The following PIAS2 variants were observed in gnomAD, a reference collection of about 807,000 sequenced individuals.
PIAS2 encodes protein inhibitor of activated STAT 2, also known as E3 SUMO-protein ligase PIAS2.
PIAS2 carries 19 observed loss-of-function variants against 69.7 expected under a neutral mutation model. That is an observed-to-expected ratio of 0.27 (90% CI 0.19 to 0.40). The LOEUF is 0.40. PIAS2 is among the 10% of genes least tolerant of loss of function. The pLI is 1.00. For missense variants in PIAS2, 624 were observed against 757.0 expected, an observed-to-expected ratio of 0.82 and a Z score of 2.06; for synonymous variants, 261 against 263.2, an observed-to-expected ratio of 0.99 and a Z score of 0.08.
At position 46,855,346 on chromosome 18, in the gene PIAS2, G is replaced by A. The variant is rs2047583847; in HGVS notation, c.725C>T (p.Pro242Leu). The A allele has an allele frequency of 6.3e-7, 1 of 1,594,676 alleles. No individual in the cohort carries two copies. Among genetic ancestry groups the A allele is most frequent in the South Asian group, 1.1e-5 (1 of 88,838 alleles). ...IKVNGKLFPL[P>L]GYAPPPKNGI... ...TCTGGTGAATAAAAAGCAACTTACA[G>A]GCAAAGGAAATAGCTTCCCATTTAC... is the stretch of plus-strand genomic sequence containing the variant. Residue 242 changes from proline to leucine, a missense_variant and splice_region_variant, in exon 5 of 14, where the codon CCT (proline) becomes CTT (leucine). Physicochemically the swap from Pro to Leu is moderately conservative, Grantham distance 98. Around this residue, in one of 3 missense-constraint regions of PIAS2, gnomAD observed 339 missense variants for 408.8 expected, o/e 0.83. Transcript: ENST00000585916.
chr18:46,815,907 C>T (rs2041472473), intron 12 of PIAS2: 1 of 985,488 alleles, frequency 1.0e-6, no homozygotes, highest in African/African-American at 1.7e-5. Flanking sequence ...TCAAGGGTTA[C>T]TGGGTTCTGA....
At chr18:46,825,590 C>T (rs1320391482) in intron 11 of PIAS2, among the ~76,000 whole-genome samples, 1 of 152,216 alleles carries the variant, frequency 6.6e-6, no homozygotes, top group Non-Finnish European at 1.5e-5. Flanking sequence ...TGGCCATACT[C>T]ATTTGTTAAT....
intron 1 of PIAS2, among the ~76,000 whole-genome samples, chr18:46,913,019 A>C (rs2057428007): frequency 6.6e-6 from 1 of 152,208 alleles, no homozygotes; most frequent in Non-Finnish European, 1.5e-5. Flanking sequence ...TTTGTTTCGA[A>C]CGTGCTTTCA....
intron 5 of PIAS2, among the ~76,000 whole-genome samples, chr18:46,848,663 A>AT (rs2046500615): frequency 6.6e-6 from 1 of 152,194 alleles, no homozygotes; most frequent in African/African-American, 2.4e-5. Flanking sequence ...ATAACTTGCA[A>AT]CAAAATTCTG....
In PIAS2 at chr18:46,917,017, TCGGGTCCCCA is replaced by T. The variant is rs1445742773; in HGVS notation, c.24+295_24+304del. On this transcript the variant is annotated intron_variant, in intron 1 of 13. Coordinates refer to ENST00000585916, the MANE Select transcript of PIAS2 (RefSeq NM_004671.5). Reference sequence around the variant, plus strand: ...TCGGCCCTCACTGCGAACCGGGATGTCGGGTCCCCATGTGCCCCTCCTGGAGGGCGCCCCG... The same window carrying T: ...TCGGCCCTCACTGCGAACCGGGATGTTGTGCCCCTCCTGGAGGGCGCCCCG... 5.1e-6 allele frequency: 5 copies of T among 987,024 alleles called. No homozygotes were observed. The Admixed American group carries it at 1.8e-4, about 36-fold the overall frequency. The allele number at this position is 987,024 out of a possible 1,614,324, so 61.1% of individuals were successfully genotyped here.
Position 46,807,373 on chromosome 18 carries a change from ATATATATATATTTTTTTT to A in PIAS2, c.*5042_*5059del, listed in dbSNP as rs2040746042. 1 of 26,036 alleles carries A rather than the reference ATATATATATATTTTTTTT, an allele frequency of 3.8e-5. No individual in the cohort carries two copies. The highest frequency in any genetic ancestry group is 2.9e-4 in the African/African-American group (1 of 3,500). The allele number at this position is 26,036 out of a possible 1,614,324, so 1.6% of individuals were successfully genotyped here. A position where few individuals can be genotyped will look rare whatever the true frequency, so the allele number is the denominator to read the frequency against. ...TCAGATTTTATATATATATATATATATATATATATATTTTTTTTTTTTTTTTTTTTTTTTTTTAGAGAG... is the reference window on the plus strand; with the variant it reads ...TCAGATTTTATATATATATATATATATTTTTTTTTTTTTTTTTTTAGAGAG... On this transcript the variant is annotated 3_prime_UTR_variant, in exon 14 of 14. Transcript: ENST00000585916.
intron 12 of PIAS2, among the ~76,000 whole-genome samples, chr18:46,819,755 T>C (rs2041964560): frequency 6.6e-6 from 1 of 152,144 alleles, no homozygotes; most frequent in Admixed American, 6.6e-5. Flanking sequence ...AGGGAAGTCA[T>C]GAATGTACTG....
At chr18:46,854,548 T>G (rs2047451207) in intron 5 of PIAS2, among the ~76,000 whole-genome samples, 1 of 152,200 alleles carries the variant, frequency 6.6e-6, no homozygotes, top group Non-Finnish European at 1.5e-5. Flanking sequence ...TGGAAACCAA[T>G]ACATAGTCCA....
At chr18:46,839,107 G>C (rs1026316274) in intron 8 of PIAS2, among the ~76,000 whole-genome samples, 1 of 151,966 alleles carries the variant, frequency 6.6e-6, no homozygotes, top group Non-Finnish European at 1.5e-5. Context: ...ATATTGGCTG[G>C]TTATTTAGAA....
At chr18:46,850,396 C>T (rs1051715766) in intron 5 of PIAS2, among the ~76,000 whole-genome samples, 1 of 152,032 alleles carries the variant, frequency 6.6e-6, no homozygotes, top group African/African-American at 2.4e-5. Flanking sequence ...CACTTTTTCC[C>T]CAATGCTGTT....
chr18:46,821,562 C>G (rs1599348815), intron 11 of PIAS2, among the ~76,000 whole-genome samples: 1 of 152,080 alleles, frequency 6.6e-6, no homozygotes, highest in African/African-American at 2.4e-5. Context: ...TGCAATCTTT[C>G]CTGGGAATCA....
chr18:46,888,829 C>G (rs1282654352), intron 2 of PIAS2, among the ~76,000 whole-genome samples: 1 of 152,192 alleles, frequency 6.6e-6, no homozygotes, highest in Admixed American at 6.5e-5. Context: ...TCCTGCTGCT[C>G]ACCTCCCGCT....
intron 1 of PIAS2, among the ~76,000 whole-genome samples, chr18:46,910,720 A>G (rs1599109029): frequency 6.6e-6 from 1 of 152,248 alleles, no homozygotes; most frequent in South Asian, 2.1e-4. Flanking sequence ...ACAATTGTAG[A>G]TTACAATCTT....
intron 1 of PIAS2, among the ~76,000 whole-genome samples, chr18:46,907,326 T>C (rs1282348280): frequency 6.6e-6 from 1 of 152,170 alleles, no homozygotes; most frequent in African/African-American, 2.4e-5. Context: ...TCAAAGGAGC[T>C]TGACATCATT....
rs2041414284 is a variant in PIAS2, at chr18:46,815,486, A to ATGAT, written c.1649-141_1649-138dup. ...CTCTGTCACAGAGAAGTTCTATACC[A>ATGAT]TGATCAGTGATATTTGAAGTGTTTA... On this transcript the variant is annotated intron_variant, in intron 12 of 13. Transcript: ENST00000585916. 4.1e-6 allele frequency: 6 copies of ATGAT among 1,478,248 alleles called. No individual in the cohort carries two copies. The South Asian group carries it at 8.5e-5, about 21-fold the overall frequency. 91.6% of individuals were successfully genotyped at this position (1,478,248 alleles called of 1,614,324 possible).
At chr18:46,843,822 T>C (rs1003359712) in intron 8 of PIAS2, 7 of 319,558 alleles carry the variant, frequency 2.2e-5, no homozygotes, top group African/African-American at 1.5e-4. Flanking sequence ...ATCTACAACA[T>C]TAATTACAAC....
chr18:46,843,010 T>C (rs1309933252), intron 8 of PIAS2, among the ~76,000 whole-genome samples: 1 of 152,222 alleles, frequency 6.6e-6, no homozygotes, highest in Non-Finnish European at 1.5e-5. Context: ...GTACTTGTAA[T>C]CAGGACATGT....
chr18:46,876,618 A>C (rs1300621824), intron 2 of PIAS2, among the ~76,000 whole-genome samples: 1 of 152,206 alleles, frequency 6.6e-6, no homozygotes, highest in African/African-American at 2.4e-5. Context: ...TGGAACCATA[A>C]CAACAAAAGC....
chr18:46,841,371 A>T (rs2045363260), intron 8 of PIAS2, among the ~76,000 whole-genome samples: 1 of 152,128 alleles, frequency 6.6e-6, no homozygotes, highest in Non-Finnish European at 1.5e-5. Context: ...TTCACTTCTT[A>T]TTTAAGTGCC....
Sources: allele counts gnomAD v4.1 joint callset (sites outside exome capture counted in the v4.1 genomes callset), GRCh38; gene constraint gnomAD v4.1.1; regional missense constraint gnomAD v4.1.1; transcripts MANE v1.5; gene names NCBI Gene and HGNC (gene_info 2026-07-23, HGNC 2026-07-21).